The following TENM3 variants were observed in gnomAD, a reference collection of about 807,000 sequenced individuals.
TENM3 encodes teneurin transmembrane protein 3, also known as teneurin-3.
A neutral mutation model predicts 255.1 loss-of-function variants in TENM3; 63 were observed. That is an observed-to-expected ratio of 0.25 (90% CI 0.20 to 0.30). The LOEUF (loss-of-function observed/expected upper bound fraction) is 0.30, where lower values mean the gene tolerates loss of function less well. TENM3 is among the 10% of genes least tolerant of loss of function. TENM3 has a pLI of 1.00. For missense variants in TENM3, 2,929 were observed against 3,461.1 expected, an observed-to-expected ratio of 0.85 and a Z score of 3.86; for synonymous variants, 1,306 against 1,322.3, an observed-to-expected ratio of 0.99 and a Z score of 0.27.
intron 1 of TENM3, among the ~76,000 whole-genome samples, chr4:182,205,416 C>T (rs1228366036): frequency 6.6e-6 from 1 of 152,258 alleles, no homozygotes; most frequent in Non-Finnish European, 1.5e-5. Context: ...AGGCCCACCT[C>T]TCCCATGTGC....
the TENM3 span, among the ~76,000 whole-genome samples, chr4:181,752,827 C>T: frequency 1.3e-5 from 2 of 149,086 alleles, no homozygotes. Context: ...ATCATGTGAT[C>T]AAGAAAAAAT....
chr4:182,119,245 CGAT>C, the TENM3 span, among the ~76,000 whole-genome samples: 1 of 152,044 alleles, frequency 6.6e-6, no homozygotes, highest in Non-Finnish European at 1.5e-5. Flanking sequence ...CAAAATGCTC[CGAT>C]GTATTTCGAA....
At chr4:182,648,386 C>T (rs1268344907) in intron 5 of TENM3, among the ~76,000 whole-genome samples, 3 of 151,312 alleles carry the variant, frequency 2.0e-5, no homozygotes, top group Non-Finnish European at 2.9e-5. Context: ...CAGGTTCAAG[C>T]GATTCTCCTG....
chr4:182,495,512 A>T (rs1018306598), intron 3 of TENM3, among the ~76,000 whole-genome samples: 6 of 152,232 alleles, frequency 3.9e-5, no homozygotes, highest in African/African-American at 1.2e-4. Flanking sequence ...AGTGAAAAAA[A>T]AAATGACTGT....
chr4:182,695,620 C>T (rs1288664717), intron 12 of TENM3, among the ~76,000 whole-genome samples: 1 of 152,056 alleles, frequency 6.6e-6, no homozygotes, highest in South Asian at 2.1e-4. Flanking sequence ...CCTAGTGACA[C>T]GAAAGTACAG....
the TENM3 span, among the ~76,000 whole-genome samples, chr4:181,878,090 A>T: frequency 6.6e-6 from 1 of 152,228 alleles, no homozygotes; most frequent in African/African-American, 2.4e-5. Context: ...CATATTGTTC[A>T]GTCCTTAGGA....
the TENM3 span, among the ~76,000 whole-genome samples, chr4:182,130,720 T>A: frequency 6.6e-6 from 1 of 151,572 alleles, no homozygotes; most frequent in Non-Finnish European, 1.5e-5. Context: ...ATCTGGACAG[T>A]TGGTATTAGA....
chr4:182,405,064 TG>T (rs1769467631), intron 3 of TENM3, among the ~76,000 whole-genome samples: 1 of 152,212 alleles, frequency 6.6e-6, no homozygotes, highest in Admixed American at 6.5e-5. Flanking sequence ...CTGGCTTTTT[TG>T]GTTAAGTGTA....
chr4:181,629,501 G>T, the TENM3 span, among the ~76,000 whole-genome samples: 1 of 152,114 alleles, frequency 6.6e-6, no homozygotes, highest in African/African-American at 2.4e-5. Flanking sequence ...ATTATTTTGA[G>T]ATACGTCCAT....
chr4:182,246,398 G>A (rs1757652288), intron 1 of TENM3, among the ~76,000 whole-genome samples: 1 of 132,394 alleles, frequency 7.6e-6, no homozygotes, highest in Non-Finnish European at 1.5e-5. Context: ...TGGACACGAA[G>A]CAGGCCCCGC....
chr4:182,628,511 T>C (rs1751045643), intron 4 of TENM3, 140 bp from the exon 5 acceptor site: 2 of 611,558 alleles, frequency 3.3e-6, no homozygotes, highest in Admixed American at 6.0e-5. Context: ...TAATTTTTAA[T>C]GTTTTAGGTT....
chr4:181,665,926 A>T, the TENM3 span, among the ~76,000 whole-genome samples: 2 of 152,110 alleles, frequency 1.3e-5, no homozygotes, highest in Non-Finnish European at 2.9e-5. Flanking sequence ...AGCTATATTG[A>T]CTTTTTAAAA....
At chr4:182,331,854 T>G (rs1002188259) in intron 2 of TENM3, among the ~76,000 whole-genome samples, 5 of 152,234 alleles carry the variant, frequency 3.3e-5, no homozygotes, top group African/African-American at 1.2e-4. Flanking sequence ...GTAGCTAAAT[T>G]TATAAGCAAA....
chr4:181,931,306 C>T, the TENM3 span, among the ~76,000 whole-genome samples: 2 of 152,180 alleles, frequency 1.3e-5, no homozygotes, highest in African/African-American at 4.8e-5. Context: ...TGATAAGCAA[C>T]TTCAGCAAAG....
chr4:181,605,584 G>GAA, the TENM3 span, among the ~76,000 whole-genome samples: 2 of 69,142 alleles, frequency 2.9e-5, 1 homozygote. Flanking sequence ...GAGAAAGAAA[G>GAA]GAAAGAAAGA....
the TENM3 span, among the ~76,000 whole-genome samples, chr4:182,022,821 A>G: frequency 3.9e-5 from 6 of 152,234 alleles, no homozygotes; most frequent in Non-Finnish European, 7.3e-5. Flanking sequence ...AAATCAGAAA[A>G]TAATTTTTAA....
intron 2 of TENM3, among the ~76,000 whole-genome samples, chr4:182,342,519 T>A (rs1292404657): frequency 6.6e-6 from 1 of 152,170 alleles, no homozygotes; most frequent in African/African-American, 2.4e-5. Context: ...GGTGTCTTTT[T>A]AGGGTGATAA....
At chr4:181,840,585 G>A in the TENM3 span, among the ~76,000 whole-genome samples, 9,016 of 152,114 alleles carry the variant, frequency 0.059, 545 homozygotes, top group East Asian at 0.18. Context: ...TGAATTACTA[G>A]GGTACGTTTC....
chr4:182,073,860 A>G, the TENM3 span, among the ~76,000 whole-genome samples: 1 of 152,164 alleles, frequency 6.6e-6, no homozygotes, highest in African/African-American at 2.4e-5. Context: ...TGGACAATGC[A>G]GCTCCACCAT....
Sources: gnomAD v4.1 joint callset for allele counts (sites outside exome capture counted in the v4.1 genomes callset) on GRCh38, gnomAD v4.1.1 for gene constraint, MANE v1.5 for transcripts, NCBI Gene and HGNC (gene_info 2026-07-23, HGNC 2026-07-21) for gene names.